The following IKBIP variants were observed in gnomAD, a reference collection of about 807,000 sequenced individuals.
The protein encoded by IKBIP is inhibitor of nuclear factor kappa-B kinase-interacting protein.
A neutral mutation model predicts 31.0 loss-of-function variants in IKBIP; 28 were observed. That is an observed-to-expected ratio of 0.90 (90% CI 0.67 to 1.24). The LOEUF (loss-of-function observed/expected upper bound fraction) is 1.24. IKBIP is among the 50% of genes most tolerant of loss of function. IKBIP has a pLI of 0.00. For missense variants in IKBIP, 453 were observed against 441.9 expected (o/e 1.03, Z -0.23); for synonymous variants, 164 against 160.3 (o/e 1.02, Z -0.17).
At chr12:98,629,288 C>A (rs1195231343) in intron 2 of IKBIP, among the ~76,000 whole-genome samples, 1 of 152,010 alleles carries the variant, frequency 6.6e-6, no homozygotes. Context: ...ACGCCTTAAT[C>A]CCAACATGTT....
Position 98,624,474 on chromosome 12 carries a change from C to A in IKBIP, c.*1456G>T. ...GTGGAGAAGGAGTTTGGGGGTTCTCCAAAAACTTGCAAATTTACATATTAA... is the reference window on the plus strand; with the variant it reads ...GTGGAGAAGGAGTTTGGGGGTTCTCAAAAAACTTGCAAATTTACATATTAA... On this transcript the variant is annotated 3_prime_UTR_variant, in exon 3 of 3. Transcript: ENST00000299157. The A allele has an allele frequency of 2.0e-6, 2 of 985,232 alleles. No homozygotes were observed. The highest frequency in any genetic ancestry group is 2.4e-6 in the Non-Finnish European group (2 of 829,788). 61.0% of individuals were successfully genotyped at this position (985,232 alleles called of 1,614,324 possible).
chr12:98,625,614 T>C lies in IKBIP; in HGVS notation c.*316A>G, dbSNP rs2097613495. The C allele has an allele frequency of 6.2e-6, 1 of 162,330 alleles. No individual in the cohort carries two copies. Among genetic ancestry groups the C allele is most frequent in the African/African-American group, 2.4e-5 (1 of 41,902 alleles). The allele number at this position is 162,330 out of a possible 1,614,324, so 10.1% of individuals were successfully genotyped here. A position where few individuals can be genotyped will look rare whatever the true frequency, so the allele number is the denominator to read the frequency against. ...ATTAGCCCCTGGAGACATCAATATA[T>C]GTGGGTACAATATAATAGGTGAAAT... On this transcript the variant is annotated 3_prime_UTR_variant, in exon 3 of 3. Transcript: ENST00000299157.
intron 2 of IKBIP, among the ~76,000 whole-genome samples, chr12:98,633,348 G>C (rs982700119): frequency 2.0e-5 from 3 of 152,028 alleles, no homozygotes; most frequent in African/African-American, 7.3e-5. Context: ...ATGTTTATTT[G>C]TCTCACATTT....
At chr12:98,618,558 G>A (rs897093447) in intron 2 of IKBIP, among the ~76,000 whole-genome samples, 62 of 151,812 alleles carry the variant, frequency 4.1e-4, no homozygotes, top group Admixed American at 2.5e-3. Flanking sequence ...CCCGGGAGGC[G>A]GAGCTTGCAG....
rs1278678104 is a variant in IKBIP at position 98,631,873 on chromosome 12, T to A, written c.297+2423A>T. ...CTTTTATTTATATTTATTTATTTAT[T>A]GAGATGGAGTCTCACTCTGTTGCCC... On this transcript the variant is annotated intron_variant, in intron 2 of 2. Transcript: ENST00000299157. Among the ~76,000 whole-genome samples the A allele has an allele frequency of 6.6e-5, 10 of 151,866 alleles. 1 individual carries two copies. Among genetic ancestry groups the A allele is most frequent in the Non-Finnish European group, 1.5e-4 (10 of 67,992 alleles).
downstream of IKBIP, among the ~76,000 whole-genome samples, chr12:98,623,312 T>C (rs1565838579): frequency 6.6e-6 from 1 of 150,878 alleles, no homozygotes; most frequent in African/African-American, 2.5e-5. Flanking sequence ...GACAGGGTCT[T>C]GCTCTGTCAC....
downstream of IKBIP, among the ~76,000 whole-genome samples, chr12:98,620,093 A>ATTT (rs772601870): frequency 1.1e-5 from 1 of 95,060 alleles, no homozygotes; most frequent in African/African-American, 4.0e-5. Context: ...TAAGTTTTCT[A>ATTT]TTTTTTTTTT....
At chr12:98,643,810 T>C (rs1422303681) in intron 1 of IKBIP, among the ~76,000 whole-genome samples, 8 of 141,298 alleles carry the variant, frequency 5.7e-5, no homozygotes, top group Admixed American at 1.6e-4. Flanking sequence ...CATAATGATA[T>C]GGTTTTCTTT....
At chr12:98,635,403 G>A (rs2153300012) in intron 1 of IKBIP, among the ~76,000 whole-genome samples, 1 of 152,318 alleles carries the variant, frequency 6.6e-6, no homozygotes, top group East Asian at 1.9e-4. Flanking sequence ...CCTAGATGCA[G>A]CTTTTATCAG....
At position 98,625,779 on chromosome 12, in the gene IKBIP, G is replaced by A; in HGVS notation, c.*151C>T. ...TAAGTTTTAGTGCTTAAAAAGATAA[G>A]CTTTGATTATGTGGATAATCCATTT... On this transcript the variant is annotated 3_prime_UTR_variant, in exon 3 of 3. Transcript: ENST00000299157. 2 of 518,732 alleles carry A rather than the reference G, an allele frequency of 3.9e-6. No homozygotes were observed. Among genetic ancestry groups the A allele is most frequent in the Non-Finnish European group, 3.0e-6 (1 of 334,140 alleles). The allele number at this position is 518,732 out of a possible 1,614,324, so 32.1% of individuals were successfully genotyped here. A position where few individuals can be genotyped will look rare whatever the true frequency, so the allele number is the denominator to read the frequency against.
chr12:98,624,163 GA>G (rs1472901380), downstream of IKBIP: 2 of 517,050 alleles, frequency 3.9e-6, no homozygotes, highest in East Asian at 1.5e-4. Context: ...TGATCGGTGA[GA>G]AAAAAATATT....
downstream of IKBIP, among the ~76,000 whole-genome samples, chr12:98,622,773 G>C (rs913747492): frequency 1.3e-5 from 2 of 151,732 alleles, no homozygotes; most frequent in African/African-American, 4.8e-5. Flanking sequence ...GCATCTTATG[G>C]GTTTTTCTAT....
At chr12:98,639,698 C>T (rs1019508424) in intron 1 of IKBIP, among the ~76,000 whole-genome samples, 4 of 152,172 alleles carry the variant, frequency 2.6e-5, no homozygotes, top group Non-Finnish European at 4.4e-5. Context: ...TGGCAGACAG[C>T]TGACTGAGGA....
At chr12:98,619,865 C>T (rs1266023036), downstream of IKBIP, among the ~76,000 whole-genome samples, 1 of 133,488 alleles carries the variant, frequency 7.5e-6, no homozygotes, top group Non-Finnish European at 1.6e-5. Context: ...GAACCAGACC[C>T]TTTCTCAGAA....
At chr12:98,623,988 C>T (rs1402929121), downstream of IKBIP, among the ~76,000 whole-genome samples, 5 of 150,980 alleles carry the variant, frequency 3.3e-5, no homozygotes, top group Non-Finnish European at 5.9e-5. Flanking sequence ...TACATACAAA[C>T]GCATATATAC....
chr12:98,632,297 C>T (rs923644772), intron 2 of IKBIP, among the ~76,000 whole-genome samples: 3 of 150,238 alleles, frequency 2.0e-5, no homozygotes, highest in East Asian at 2.0e-4. Flanking sequence ...AGCAAGACCC[C>T]GTCTCTCCAA....
chr12:98,640,958 T>C (rs1350757738), intron 1 of IKBIP, among the ~76,000 whole-genome samples: 1 of 152,118 alleles, frequency 6.6e-6, no homozygotes, highest in Non-Finnish European at 1.5e-5. Flanking sequence ...AGACAGGGTT[T>C]TACCATGTTG....
intron 1 of IKBIP, among the ~76,000 whole-genome samples, chr12:98,641,724 T>C (rs746504582): frequency 6.6e-6 from 1 of 152,104 alleles, no homozygotes; most frequent in Admixed American, 6.6e-5. Flanking sequence ...GGTATAATCA[T>C]GGGTTACTGC....
At chr12:98,626,950 G>A (rs555960932) in intron 2 of IKBIP, among the ~76,000 whole-genome samples, 184 bp from the exon 3 acceptor site, 2 of 152,046 alleles carry the variant, frequency 1.3e-5, no homozygotes, top group African/African-American at 2.4e-5. Flanking sequence ...TCACAAATAC[G>A]TTAACCCTGC....
Sources: gnomAD v4.1 joint callset for allele counts (sites outside exome capture counted in the v4.1 genomes callset) on GRCh38, gnomAD v4.1.1 for gene constraint, MANE v1.5 for transcripts, NCBI Gene and HGNC (gene_info 2026-07-23, HGNC 2026-07-21) for gene names.